CRACDL: variants seen among roughly 807,000 people sequenced by gnomAD.
CRACDL encodes the protein CRACD-like protein.
A neutral mutation model predicts 70.6 loss-of-function variants in CRACDL; 26 were observed. The observed-to-expected ratio is 0.37, with a 90% confidence interval of 0.27 to 0.51. The LOEUF (loss-of-function observed/expected upper bound fraction) is 0.51. Ranked by LOEUF, CRACDL falls within the 20% of genes least tolerant of loss-of-function variation. CRACDL has a pLI of 0.94. For synonymous variants in CRACDL, 618 were observed against 615.2 expected, an observed-to-expected ratio of 1.00 and a Z score of -0.07; for missense variants, 1,283 against 1,376.9, an observed-to-expected ratio of 0.93 and a Z score of 1.08.
At chr2:98,897,562 G>A (rs1477773848) in intron 1 of CRACDL, 1 of 288,450 alleles carries the variant, frequency 3.5e-6, no homozygotes, top group African/African-American at 2.2e-5. Context: ...AAGTAGGGAG[G>A]TTCCATGTAA....
In CRACDL at chr2:98,838,220, C is replaced by T. The variant is rs147976810; in HGVS notation, c.138G>A (p.Pro46=). Residue 46 remains proline (P), a synonymous_variant, in exon 3 of 10, where the codon CCG becomes CCA. Transcript: ENST00000397899. ...TCCAGGTGCTACTTCCTGTGGACGA[C>T]GGCGATTCTTTTCTCTTCTTCTTCC... ...FFGKKKRKES[P]SSTGSSTWKQ... The T allele has an allele frequency of 7.1e-5, 115 of 1,613,608 alleles. No homozygotes were observed. In the African/African-American group the frequency reaches 1.2e-3, roughly 17 times the overall value.
intron 1 of CRACDL, among the ~76,000 whole-genome samples, chr2:98,888,381 G>A (rs190155708): frequency 1.1e-3 from 175 of 152,270 alleles, no homozygotes; most frequent in African/African-American, 4.1e-3. Context: ...AGAAAAGGGA[G>A]GAGGGAATAG....
At chr2:98,904,396 C>G (rs1558632796) in intron 1 of CRACDL, among the ~76,000 whole-genome samples, 2 of 152,238 alleles carry the variant, frequency 1.3e-5, no homozygotes, top group Non-Finnish European at 2.9e-5. Context: ...CAGCAGGGAA[C>G]CGGCCTTGCC....
At chr2:98,935,338 A>G (rs1298113999) in intron 1 of CRACDL, among the ~76,000 whole-genome samples, 1 of 152,172 alleles carries the variant, frequency 6.6e-6, no homozygotes, top group Non-Finnish European at 1.5e-5. Flanking sequence ...GCAAGTGACT[A>G]TTATGCTCTG....
At chr2:98,848,352 C>A (rs997277503) in intron 1 of CRACDL, among the ~76,000 whole-genome samples, 1 of 152,104 alleles carries the variant, frequency 6.6e-6, no homozygotes, top group African/African-American at 2.4e-5. Context: ...CCCAAGAGTC[C>A]TTTAGAGGTG....
At chr2:98,876,224 G>A (rs1707485530) in intron 1 of CRACDL, among the ~76,000 whole-genome samples, 1 of 152,186 alleles carries the variant, frequency 6.6e-6, no homozygotes, top group Non-Finnish European at 1.5e-5. Flanking sequence ...GTAATATTTA[G>A]ATTCCTTTAC....
intron 6 of CRACDL, among the ~76,000 whole-genome samples, chr2:98,824,357 A>G (rs1276232254): frequency 7.3e-6 from 1 of 137,236 alleles, no homozygotes; most frequent in Non-Finnish European, 1.5e-5. Context: ...CTCCCACTCT[A>G]TGCAGTTTAA....
At chr2:98,922,250 A>G (rs1708821064) in intron 1 of CRACDL, among the ~76,000 whole-genome samples, 1 of 151,992 alleles carries the variant, frequency 6.6e-6, no homozygotes, top group South Asian at 2.1e-4. Context: ...CCTGACCAAC[A>G]TGGTGAAGCC....
intron 1 of CRACDL, among the ~76,000 whole-genome samples, chr2:98,921,837 G>T (rs1397572660): frequency 6.6e-6 from 1 of 152,102 alleles, no homozygotes; most frequent in African/African-American, 2.4e-5. Flanking sequence ...CCTGTAAGGA[G>T]TCATTCCTGC....
At chr2:98,922,552 C>T (rs1221106049) in intron 1 of CRACDL, among the ~76,000 whole-genome samples, 6 of 152,222 alleles carry the variant, frequency 3.9e-5, no homozygotes, top group Non-Finnish European at 5.9e-5. Flanking sequence ...CCCAGTGGGC[C>T]AGCTGGCCTG....
intron 1 of CRACDL, among the ~76,000 whole-genome samples, chr2:98,920,172 T>A (rs1228977275): frequency 6.6e-6 from 1 of 152,126 alleles, no homozygotes; most frequent in Non-Finnish European, 1.5e-5. Context: ...AAGATATTGA[T>A]CCCCCACTGC....
At chr2:98,861,311 C>T (rs1352270527) in intron 1 of CRACDL, among the ~76,000 whole-genome samples, 2 of 152,138 alleles carry the variant, frequency 1.3e-5, no homozygotes, top group South Asian at 2.1e-4. Flanking sequence ...CATGCCACTG[C>T]ACTCCAGCGT....
Position 98,834,480 on chromosome 2 carries a change from A to C in CRACDL, c.240-1483T>G, listed in dbSNP as rs570691145. ...TAACAACCACTGCAGAACAATGTTCACAGCATGTCAGCACTGCATGGGAAA... is the reference window on the plus strand; with the variant it reads ...TAACAACCACTGCAGAACAATGTTCCCAGCATGTCAGCACTGCATGGGAAA... On this transcript the variant is annotated intron_variant, in intron 3 of 9. Coordinates refer to ENST00000397899, the MANE Select transcript of CRACDL (RefSeq NM_207362.3). Among the ~76,000 whole-genome samples the C allele has an allele frequency of 1.0e-3, 152 of 152,384 alleles. 2 individuals carry two copies. Among genetic ancestry groups the C allele is most frequent in the African/African-American group, 3.2e-3 (135 of 41,604 alleles).
intron 1 of CRACDL, among the ~76,000 whole-genome samples, chr2:98,898,629 C>T (rs907270951): frequency 3.3e-5 from 5 of 152,328 alleles, no homozygotes; most frequent in Admixed American, 1.3e-4. Context: ...CTGCCTGTGG[C>T]TCCCACATTG....
Position 98,821,917 on chromosome 2 carries a change from C to T in CRACDL, c.2356G>A (p.Glu786Lys). 1 of 1,594,348 alleles carries T rather than the reference C, an allele frequency of 6.3e-7. No individual in the cohort carries two copies. Among genetic ancestry groups the T allele is most frequent in the Non-Finnish European group, 8.5e-7 (1 of 1,174,374 alleles). ...QPAPPDAGPGEREPRKEPRTA... is the reference protein window; with the variant it reads ...QPAPPDAGPGKREPRKEPRTA... ...CTGGGCTCCTTCCTGGGTTCCCGCT[C>T]TCCCGGGCCGGCGTCGGGGGGCGCG... The change falls in exon 7 of 10, where the codon GAG becomes AAG. Residue 786 changes from glutamate to lysine, a missense_variant. Transcript: ENST00000397899.
intron 1 of CRACDL, among the ~76,000 whole-genome samples, chr2:98,893,117 G>A (rs1708021183): frequency 6.6e-6 from 1 of 152,148 alleles, no homozygotes; most frequent in Admixed American, 6.5e-5. Flanking sequence ...GCAGGGAGCG[G>A]GGCACAGGGA....
intron 7 of CRACDL, among the ~76,000 whole-genome samples, chr2:98,800,745 A>G (rs1457674390): frequency 2.6e-5 from 4 of 152,204 alleles, no homozygotes; most frequent in Non-Finnish European, 5.9e-5. Flanking sequence ...CTTTGGTCAT[A>G]AGCATTTCTT....
intron 7 of CRACDL, among the ~76,000 whole-genome samples, chr2:98,801,557 G>T (rs1704076839): frequency 6.6e-6 from 1 of 152,240 alleles, no homozygotes; most frequent in African/African-American, 2.4e-5. Context: ...TGCTAGTGTG[G>T]TGTGAAGATT....
chr2:98,796,373 C>T, intron 8 of CRACDL, 109 bp from the exon 9 acceptor site: 1 of 1,153,720 alleles, frequency 8.7e-7, no homozygotes, highest in Non-Finnish European at 1.3e-6. Flanking sequence ...GCCTGCACTG[C>T]TGGCACTTTC....
Sources: allele counts gnomAD v4.1 joint callset (sites outside exome capture counted in the v4.1 genomes callset), GRCh38; gene constraint gnomAD v4.1.1; transcripts MANE v1.5; gene names NCBI Gene and HGNC (gene_info 2026-07-23, HGNC 2026-07-21).